DOCK10: variants seen among roughly 807,000 people sequenced by gnomAD.
DOCK10 encodes the protein dedicator of cytokinesis protein 10.
Under a neutral mutation model 280.1 loss-of-function variants are expected in DOCK10, and 145 were observed. The ratio of observed to expected loss-of-function variants is 0.52; its 90% CI spans 0.45 to 0.59. The LOEUF is 0.59. Among genes scored for constraint, DOCK10 ranks in the 20% least tolerant of loss-of-function variants. The pLI is 0.00. For missense variants in DOCK10, 2,368 were observed against 2,651.7 expected (o/e 0.89, Z 2.35); for synonymous variants, 915 against 942.2 (o/e 0.97, Z 0.53).
At chr2:224,870,299 C>T (rs1256181770) in intron 11 of DOCK10, among the ~76,000 whole-genome samples, 1 of 152,168 alleles carries the variant, frequency 6.6e-6, no homozygotes, top group East Asian at 1.9e-4. Flanking sequence ...AATTAAACCT[C>T]CTTCCTTTAT....
intron 2 of DOCK10, among the ~76,000 whole-genome samples, chr2:224,922,866 A>T (rs959158776): frequency 1.3e-5 from 2 of 152,222 alleles, no homozygotes; most frequent in African/African-American, 4.8e-5. Flanking sequence ...AAAGTAATCA[A>T]TCAGTCTAAG....
chr2:225,009,451 T>C (rs1222050038), intron 1 of DOCK10, among the ~76,000 whole-genome samples: 1 of 152,072 alleles, frequency 6.6e-6, no homozygotes, highest in Non-Finnish European at 1.5e-5. Flanking sequence ...CTTATTAGCT[T>C]CAATCAAATA....
chr2:225,034,077 C>A (rs1690157492), intron 1 of DOCK10, among the ~76,000 whole-genome samples: 1 of 152,228 alleles, frequency 6.6e-6, no homozygotes, highest in Non-Finnish European at 1.5e-5. Context: ...CACAGCTCTT[C>A]TTTTGTCAAG....
At chr2:225,018,361 G>A (rs538762752) in intron 1 of DOCK10, among the ~76,000 whole-genome samples, 3 of 151,548 alleles carry the variant, frequency 2.0e-5, no homozygotes, top group Non-Finnish European at 2.9e-5. Context: ...AGTGATATGC[G>A]TAACGTGCAT....
chr2:224,817,841 G>A (rs1003022861), intron 29 of DOCK10, among the ~76,000 whole-genome samples: 1 of 152,204 alleles, frequency 6.6e-6, no homozygotes, highest in Admixed American at 6.5e-5. Context: ...AAGCAACTAA[G>A]CATGACGTGA....
chr2:224,935,289 G>A (rs1475621249), intron 1 of DOCK10, among the ~76,000 whole-genome samples: 6 of 152,240 alleles, frequency 3.9e-5, no homozygotes, highest in South Asian at 2.1e-4. Flanking sequence ...TCAAATGGAT[G>A]AAGAAATGAC....
Position 224,879,532 on chromosome 2 carries a change from C to A in DOCK10, c.748-3311G>T, listed in dbSNP as rs868114022. ...CAGCGCTTTAGGAGGCCAAGGCGGG[C>A]AGCTCACTTGAGGCCAGGAGTTTAA... On this transcript the variant is annotated intron_variant, in intron 7 of 55. Transcript: ENST00000258390. Among the ~76,000 whole-genome samples, 5 of 152,248 alleles carry A rather than the reference C, an allele frequency of 3.3e-5. No homozygotes were observed. The Middle Eastern group carries it at 0.01, about 311-fold the overall frequency.
intron 50 of DOCK10, among the ~76,000 whole-genome samples, chr2:224,782,699 C>T (rs1039896942): frequency 3.9e-5 from 6 of 152,054 alleles, no homozygotes; most frequent in Non-Finnish European, 7.4e-5. Flanking sequence ...TATTAAATAC[C>T]CCAGCCAAAA....
chr2:224,992,614 G>A (rs757182679), intron 1 of DOCK10, among the ~76,000 whole-genome samples: 2 of 152,290 alleles, frequency 1.3e-5, no homozygotes, highest in African/African-American at 2.4e-5. Flanking sequence ...TGCAAGATGT[G>A]GATTCTTAAA....
chr2:224,939,178 T>A (rs1255329410), intron 1 of DOCK10, among the ~76,000 whole-genome samples: 1 of 152,238 alleles, frequency 6.6e-6, no homozygotes, highest in African/African-American at 2.4e-5. Context: ...CGGTAAAGCA[T>A]AAAATGTTTT....
chr2:225,003,794 A>G (rs1397980693), intron 1 of DOCK10, among the ~76,000 whole-genome samples: 1 of 152,202 alleles, frequency 6.6e-6, no homozygotes. Context: ...TGATAAAATA[A>G]GGCCAGTGAC....
chr2:224,801,299 A>AC (rs1692989507), intron 40 of DOCK10, among the ~76,000 whole-genome samples: 1 of 151,766 alleles, frequency 6.6e-6, no homozygotes, highest in African/African-American at 2.4e-5. Context: ...AAAAAAAAAA[A>AC]AAAACATATT....
At chr2:224,778,325 T>C in intron 50 of DOCK10, 41 bp from the exon 51 acceptor site, 1 of 1,555,758 alleles carries the variant, frequency 6.4e-7, no homozygotes, top group Non-Finnish European at 8.7e-7. Flanking sequence ...TAGACAATGC[T>C]AATCATAAAT....
At chr2:224,830,648 T>G in intron 26 of DOCK10, 36 bp from the exon 27 acceptor site, 1 of 1,275,682 alleles carries the variant, frequency 7.8e-7, no homozygotes, top group South Asian at 1.6e-5. Flanking sequence ...ACATTTATTA[T>G]CCTATGGCAA....
At chr2:224,910,841 C>A (rs1284613826) in intron 3 of DOCK10, among the ~76,000 whole-genome samples, 1 of 152,172 alleles carries the variant, frequency 6.6e-6, no homozygotes, top group Non-Finnish European at 1.5e-5. Flanking sequence ...CTATGAAGCA[C>A]AGGTTTCACT....
At position 224,960,564 on chromosome 2, in the gene DOCK10, G is replaced by A. The variant is rs1575117601; in HGVS notation, c.124-28896C>T. 5.9e-5 allele frequency among the ~76,000 whole-genome samples: 9 copies of A among 152,042 alleles called. No homozygotes were observed. In the South Asian group the frequency reaches 1.9e-3, roughly 32 times the overall value. On this transcript the variant is annotated intron_variant, in intron 1 of 55. Transcript: ENST00000258390. ...CATATGTCCTTTCAAGGGCCAAAAA[G>A]CAAACCAACTATATGCTCATTCCCT...
At chr2:224,930,057 C>T (rs533812030) in intron 2 of DOCK10, among the ~76,000 whole-genome samples, 56 of 151,770 alleles carry the variant, frequency 3.7e-4, no homozygotes, top group African/African-American at 1.1e-3. Context: ...AAAAATTAGC[C>T]GGGTGTGGTG....
At chr2:224,795,794 G>A (rs1349553080) in intron 44 of DOCK10, among the ~76,000 whole-genome samples, 2 of 152,136 alleles carry the variant, frequency 1.3e-5, no homozygotes, top group African/African-American at 4.8e-5. Context: ...ATGACTACAG[G>A]AGAAGTCTTC....
chr2:224,801,926 A>G lies in DOCK10; in HGVS notation c.4383T>C (p.Asn1461=). ...SNPKLLQMLD[N]TMTSNSNEID... ...TTTCAGTTTACTTACTGGTCATGGT[A>G]TTGTCTAACATCTGTAAGAGTTTGG... is the stretch of plus-strand genomic sequence containing the variant. Residue 1461 remains asparagine (N), a synonymous_variant, in exon 40 of 56, where the codon AAT becomes AAC. Coordinates refer to ENST00000258390, the MANE Select transcript of DOCK10 (RefSeq NM_014689.3). 1 of 1,612,762 alleles carries G rather than the reference A, an allele frequency of 6.2e-7. No homozygotes were observed. The highest frequency in any genetic ancestry group is 8.5e-7 in the Non-Finnish European group (1 of 1,179,102).
Sources: allele counts gnomAD v4.1 joint callset (sites outside exome capture counted in the v4.1 genomes callset), GRCh38; gene constraint gnomAD v4.1.1; transcripts MANE v1.5; gene names NCBI Gene and HGNC (gene_info 2026-07-23, HGNC 2026-07-21).